Variants in ASB3 observed in about 807,000 individuals in gnomAD.
The protein encoded by ASB3 is ankyrin repeat and SOCS box containing 3.
A neutral mutation model predicts 54.5 loss-of-function variants in ASB3; 41 were observed. The observed-to-expected ratio is 0.75, with a 90% CI of 0.59 to 0.98. The LOEUF is 0.98. ASB3 is among the 50% of genes least tolerant of loss of function. ASB3 has a pLI of 0.00. For missense variants in ASB3, 733 were observed against 620.0 expected (o/e 1.18, Z -1.94); for synonymous variants, 266 against 221.2 (o/e 1.20, Z -1.80).
At chr2:53,689,577 T>C (rs958455148) in intron 9 of ASB3, among the ~76,000 whole-genome samples, 1 of 152,228 alleles carries the variant, frequency 6.6e-6, no homozygotes, top group Non-Finnish European at 1.5e-5. Flanking sequence ...AACAATCTCA[T>C]AAAATAAATT....
chr2:53,683,008 C>T (rs1668456717), intron 9 of ASB3, among the ~76,000 whole-genome samples: 1 of 152,130 alleles, frequency 6.6e-6, no homozygotes, highest in Non-Finnish European at 1.5e-5. Context: ...ACTTCCACTA[C>T]TGTGTTGAAT....
At chr2:53,700,246 G>GC (rs752381298) in intron 8 of ASB3, 25 bp downstream of exon 8, 5 of 1,602,910 alleles carry the variant, frequency 3.1e-6, no homozygotes, top group Admixed American at 3.4e-5. Context: ...AAAAGGGTAA[G>GC]CCCGACTATG....
At chr2:53,731,256 G>T (rs1671294076) in intron 3 of ASB3, among the ~76,000 whole-genome samples, 2 of 152,070 alleles carry the variant, frequency 1.3e-5, no homozygotes, top group African/African-American at 2.4e-5. Context: ...AAAAAAATTA[G>T]CTGGGCATGG....
chr2:53,682,159 C>CAAAAA (rs773098555), intron 9 of ASB3, among the ~76,000 whole-genome samples: 2 of 77,098 alleles, frequency 2.6e-5, no homozygotes, highest in Non-Finnish European at 5.3e-5. Flanking sequence ...GACTCCGTCT[C>CAAAAA]AAAAAAAAAA....
intron 7 of ASB3, among the ~76,000 whole-genome samples, chr2:53,708,612 C>G (rs190091691): frequency 6.6e-6 from 1 of 152,276 alleles, no homozygotes; most frequent in Admixed American, 6.5e-5. Context: ...TTGGAACTCC[C>G]TGAAGACTGG....
chr2:53,702,600 T>C (rs532102498), intron 7 of ASB3, among the ~76,000 whole-genome samples: 2 of 152,266 alleles, frequency 1.3e-5, no homozygotes, highest in Admixed American at 6.5e-5. Flanking sequence ...AATTGTGACA[T>C]AGAGGGACTG....
chr2:53,710,644 G>C (rs1341934230), intron 7 of ASB3, among the ~76,000 whole-genome samples: 1 of 152,134 alleles, frequency 6.6e-6, no homozygotes, highest in African/African-American at 2.4e-5. Flanking sequence ...TAGCTTTTTG[G>C]TTTGTTTATT....
rs1671875640 is a variant in ASB3, at chr2:53,740,501, A to G, written c.355+10282T>C. 2.6e-5 allele frequency among the ~76,000 whole-genome samples: 4 copies of G among 152,334 alleles called. No individual in the cohort carries two copies. In the South Asian group the frequency reaches 8.3e-4, roughly 32 times the overall value. On this transcript the variant is annotated intron_variant, in intron 3 of 9. Transcript: ENST00000263634. ...ACTTTACTTATACCCAAGGCAGCAG[A>G]ACAATTATTAAAATCTTTAGTCTGA...
intron 8 of ASB3, among the ~76,000 whole-genome samples, chr2:53,697,955 A>G (rs2103752133): frequency 6.6e-6 from 1 of 152,250 alleles, no homozygotes; most frequent in Admixed American, 6.5e-5. Context: ...CTGAGGTCTC[A>G]ATGGCAGCCC....
intron 7 of ASB3, among the ~76,000 whole-genome samples, chr2:53,706,694 C>G (rs1339373417): frequency 6.6e-6 from 1 of 152,192 alleles, no homozygotes; most frequent in Non-Finnish European, 1.5e-5. Context: ...ATCCGCCCAC[C>G]TTGCCCTCCC....
chr2:53,672,480 G>A (rs573947406), intron 9 of ASB3, among the ~76,000 whole-genome samples: 6 of 152,190 alleles, frequency 3.9e-5, no homozygotes, highest in Non-Finnish European at 4.4e-5. Context: ...AAACACCACC[G>A]TTTTCCAAAG....
intron 3 of ASB3, among the ~76,000 whole-genome samples, chr2:53,740,335 T>C (rs1300359341): frequency 6.6e-6 from 1 of 152,224 alleles, no homozygotes; most frequent in Non-Finnish European, 1.5e-5. Context: ...ATTTATCTCC[T>C]GCAGTATTTC....
Position 53,750,856 on chromosome 2 carries a change from G to A in ASB3, c.282C>T (p.Ile94=), listed in dbSNP as rs141354765. Residue 94 remains isoleucine, a synonymous_variant, in exon 3 of 10, where the codon ATC becomes ATT. Transcript: ENST00000263634. ...CCCCAGCTTCTAAAAGAATCTGTAC[G>A]ATTTTCCAATGTCCTTGACTTGCAG... ...HLAASQGHWK[I]VQILLEAGAD... 1.7e-4 allele frequency: 266 copies of A among 1,603,060 alleles called. No individual in the cohort carries two copies. Among genetic ancestry groups the A allele is most frequent in the Non-Finnish European group, 2.1e-4 (245 of 1,174,620 alleles).
At chr2:53,698,496 T>C (rs1284008872) in intron 8 of ASB3, among the ~76,000 whole-genome samples, 6 of 152,182 alleles carry the variant, frequency 3.9e-5, no homozygotes, top group Admixed American at 1.3e-4. Context: ...CATCTCTCTA[T>C]AAGTGGCCAC....
intron 5 of ASB3, among the ~76,000 whole-genome samples, chr2:53,723,325 CAG>C (rs1481581724): frequency 6.6e-6 from 1 of 151,954 alleles, no homozygotes; most frequent in African/African-American, 2.4e-5. Flanking sequence ...TGTTAAATGT[CAG>C]AGTTTTTTGT....
intron 9 of ASB3, among the ~76,000 whole-genome samples, chr2:53,675,053 G>A (rs1668014198): frequency 6.6e-6 from 1 of 152,236 alleles, no homozygotes; most frequent in South Asian, 2.1e-4. Flanking sequence ...TAAATATTCT[G>A]ACTTTCAGTT....
chr2:53,767,853 T>A, intron 1 of ASB3: 1 of 1,583,118 alleles, frequency 6.3e-7, no homozygotes. Flanking sequence ...ACAGCTAGGG[T>A]TCACGGCCAC....
chr2:53,766,794 T>A (rs1047420997), intron 1 of ASB3, among the ~76,000 whole-genome samples: 1 of 152,194 alleles, frequency 6.6e-6, no homozygotes, highest in African/African-American at 2.4e-5. Flanking sequence ...CTTGCTTTTT[T>A]TTTTGTTTGT....
chr2:53,719,208 C>A (rs981262122), intron 5 of ASB3, among the ~76,000 whole-genome samples: 10 of 152,170 alleles, frequency 6.6e-5, no homozygotes, highest in Admixed American at 3.9e-4. Flanking sequence ...CAGGCGTGAG[C>A]CACCACGCCC....
Sources: allele counts gnomAD v4.1 joint callset (sites outside exome capture counted in the v4.1 genomes callset), GRCh38; gene constraint gnomAD v4.1.1; transcripts MANE v1.5; gene names NCBI Gene and HGNC (gene_info 2026-07-23, HGNC 2026-07-21).